Variants in PPFIA2 observed in about 807,000 individuals in gnomAD.
PPFIA2 encodes the protein liprin-alpha-2.
PPFIA2 carries 46 observed loss-of-function variants against 175.5 expected under a neutral mutation model. The ratio of observed to expected loss-of-function variants is 0.26; its 90% CI spans 0.21 to 0.34. PPFIA2 has a LOEUF of 0.34. PPFIA2 is among the 10% of genes least tolerant of loss of function. PPFIA2 has a pLI of 1.00. For missense variants in PPFIA2, 1,179 were observed against 1,506.1 expected, an observed-to-expected ratio of 0.78 and a Z score of 3.60; for synonymous variants, 568 against 511.4, an observed-to-expected ratio of 1.11 and a Z score of -1.49.
At chr12:81,557,026 T>C (rs2068996605) in intron 4 of PPFIA2, among the ~76,000 whole-genome samples, 1 of 151,914 alleles carries the variant, frequency 6.6e-6, no homozygotes, top group Non-Finnish European at 1.5e-5. Context: ...ATCTAAGTTA[T>C]CTTGATGACT....
intron 3 of PPFIA2, among the ~76,000 whole-genome samples, chr12:81,750,424 A>C (rs1286124012): frequency 7.0e-6 from 1 of 143,546 alleles, no homozygotes; most frequent in Non-Finnish European, 1.6e-5. Context: ...GAAGGAAGAA[A>C]GCACCAACTA....
At chr12:81,433,354 G>A (rs1026926798) in intron 7 of PPFIA2, among the ~76,000 whole-genome samples, 1 of 152,088 alleles carries the variant, frequency 6.6e-6, no homozygotes, top group Non-Finnish European at 1.5e-5. Context: ...CACAGAATAC[G>A]CTTATTCTCT....
At chr12:81,736,639 G>A (rs1192334514) in intron 3 of PPFIA2, among the ~76,000 whole-genome samples, 1 of 151,794 alleles carries the variant, frequency 6.6e-6, no homozygotes, top group African/African-American at 2.4e-5. Flanking sequence ...ATACTCAAAG[G>A]AATATATAAC....
chr12:81,344,708 A>G lies in PPFIA2; in HGVS notation c.2233-15T>C, dbSNP rs2058735910. 1.3e-6 allele frequency: 2 copies of G among 1,540,630 alleles called. No homozygotes were observed. Among genetic ancestry groups the G allele is most frequent in the East Asian group, 4.7e-5 (2 of 42,444 alleles). On this transcript the variant is annotated splice_polypyrimidine_tract_variant and intron_variant, in intron 18 of 32. Transcript: ENST00000549396. ...AGATCACTTGGCTGTGATTGGCAGT[A>G]ATAAAAACATAAAACACAATTAATT... is the stretch of plus-strand genomic sequence containing the variant.
At chr12:81,407,027 T>A (rs1367778181) in intron 7 of PPFIA2, among the ~76,000 whole-genome samples, 1 of 152,190 alleles carries the variant, frequency 6.6e-6, no homozygotes. Context: ...GCATTTGGTA[T>A]ATCCTTCTCT....
intron 24 of PPFIA2, among the ~76,000 whole-genome samples, chr12:81,288,681 GT>G (rs1411847001): frequency 1.3e-5 from 2 of 151,492 alleles, no homozygotes; most frequent in African/African-American, 2.4e-5. Context: ...CATTTAAAGT[GT>G]TTTTTACTTT....
chr12:81,373,191 C>T (rs148484005), intron 11 of PPFIA2, among the ~76,000 whole-genome samples: 1 of 151,666 alleles, frequency 6.6e-6, no homozygotes, highest in African/African-American at 2.4e-5. Flanking sequence ...GTGTTTTAGT[C>T]AAGATAATAT....
At chr12:81,397,269 G>A (rs1566643383) in intron 8 of PPFIA2, among the ~76,000 whole-genome samples, 1 of 151,906 alleles carries the variant, frequency 6.6e-6, no homozygotes, top group African/African-American at 2.4e-5. Context: ...AAGAAAGAAA[G>A]AGAAGAAGAG....
intron 4 of PPFIA2, among the ~76,000 whole-genome samples, chr12:81,585,856 T>C (rs546229184): frequency 2.0e-5 from 3 of 152,126 alleles, no homozygotes; most frequent in African/African-American, 4.8e-5. Flanking sequence ...CATAATTGTA[T>C]GTGCTATACT....
chr12:81,595,578 G>A (rs1270153759), intron 4 of PPFIA2, among the ~76,000 whole-genome samples: 1 of 152,004 alleles, frequency 6.6e-6, no homozygotes, highest in Admixed American at 6.6e-5. Context: ...ACACATAAGG[G>A]AATTAGCTTA....
chr12:81,488,135 C>A (rs907006266), intron 4 of PPFIA2, among the ~76,000 whole-genome samples: 1 of 151,798 alleles, frequency 6.6e-6, no homozygotes, highest in African/African-American at 2.4e-5. Flanking sequence ...ATTTCATTGT[C>A]TGTTCCTGTT....
At chr12:81,682,989 A>G (rs1437970279) in intron 3 of PPFIA2, among the ~76,000 whole-genome samples, 1 of 152,084 alleles carries the variant, frequency 6.6e-6, no homozygotes, top group East Asian at 1.9e-4. Context: ...CTCTAAATAT[A>G]ATGCATGTTG....
At chr12:81,433,423 T>G (rs2144626584) in intron 7 of PPFIA2, among the ~76,000 whole-genome samples, 1 of 152,336 alleles carries the variant, frequency 6.6e-6, no homozygotes, top group Non-Finnish European at 1.5e-5. Context: ...TTGCACTAAA[T>G]TACATGTTAG....
intron 3 of PPFIA2, among the ~76,000 whole-genome samples, chr12:81,737,261 T>C (rs544738049): frequency 6.6e-5 from 10 of 151,930 alleles, no homozygotes; most frequent in Non-Finnish European, 1.5e-4. Flanking sequence ...GCTGAAGAGA[T>C]GGGAATTGAG....
At chr12:81,378,019 CG>C (rs1566549423) in intron 9 of PPFIA2, 1 of 151,920 alleles carries the variant, frequency 6.6e-6, no homozygotes. Flanking sequence ...AGAGATATAC[CG>C]GGAAGAAGGA....
chr12:81,680,758 A>G (rs1226338848), intron 3 of PPFIA2, among the ~76,000 whole-genome samples: 4 of 151,966 alleles, frequency 2.6e-5, no homozygotes, highest in African/African-American at 7.2e-5. Flanking sequence ...CTAACAATAC[A>G]GCCCACTTCT....
chr12:81,675,774 T>A (rs1163763839), intron 4 of PPFIA2: 1 of 152,060 alleles, frequency 6.6e-6, no homozygotes, highest in Non-Finnish European at 1.5e-5. Flanking sequence ...CATCTTGCCT[T>A]ACATTGTAAT....
intron 3 of PPFIA2, among the ~76,000 whole-genome samples, chr12:81,718,663 A>G (rs1343258203): frequency 1.3e-5 from 2 of 151,680 alleles, no homozygotes; most frequent in African/African-American, 2.4e-5. Context: ...GAGTTCTAAA[A>G]TGTATGGAAA....
At chr12:81,439,775 G>T (rs1194825641) in intron 7 of PPFIA2, 197 bp downstream of exon 7, 2 of 539,314 alleles carry the variant, frequency 3.7e-6, no homozygotes, top group Admixed American at 4.0e-5. Flanking sequence ...TTTTCCTTTG[G>T]TCTAGTAGTG....
Sources: gnomAD v4.1 joint callset for allele counts (sites outside exome capture counted in the v4.1 genomes callset) on GRCh38, gnomAD v4.1.1 for gene constraint, MANE v1.5 for transcripts, NCBI Gene and HGNC (gene_info 2026-07-23, HGNC 2026-07-21) for gene names.